TMEM132B: variants seen among roughly 807,000 people sequenced by gnomAD.
The protein encoded by TMEM132B is transmembrane protein 132B.
Under a neutral mutation model 90.8 loss-of-function variants are expected in TMEM132B, and 18 were observed. The observed-to-expected ratio is 0.20, with a 90% CI of 0.14 to 0.29. TMEM132B has a LOEUF of 0.29. TMEM132B is among the 10% of genes least tolerant of loss of function. The pLI, the probability that TMEM132B is intolerant of heterozygous loss-of-function variation, is 1.00. For synonymous variants in TMEM132B, 504 were observed against 523.3 expected (o/e 0.96, Z 0.50); for missense variants, 1,096 against 1,326.8 (o/e 0.83, Z 2.70).
chr12:125,387,260 T>C (rs1878868454), intron 2 of TMEM132B, among the ~76,000 whole-genome samples: 1 of 152,214 alleles, frequency 6.6e-6, no homozygotes, highest in Non-Finnish European at 1.5e-5. Context: ...TCCAAGTCCC[T>C]GTCAATAGCA....
chr12:125,644,026 C>T (rs770146166), intron 5 of TMEM132B, 50 bp from the exon 6 acceptor site: 5 of 1,554,002 alleles, frequency 3.2e-6, no homozygotes, highest in Middle Eastern at 1.7e-4. Context: ...TTGTTTTTTC[C>T]TTGTGCTTTT....
chr12:125,566,369 A>G (rs993584220), intron 4 of TMEM132B, among the ~76,000 whole-genome samples: 2 of 152,204 alleles, frequency 1.3e-5, no homozygotes, highest in Non-Finnish European at 2.9e-5. Context: ...CTCCTCATAG[A>G]TTTGTTATGA....
At chr12:125,270,332 A>G (rs571796545) in intron 1 of TMEM132B, among the ~76,000 whole-genome samples, 2 of 149,374 alleles carry the variant, frequency 1.3e-5, no homozygotes, top group South Asian at 2.1e-4. Flanking sequence ...TCTTGTTAGC[A>G]TATGATCCTT....
At chr12:125,563,282 T>C (rs762784205) in intron 4 of TMEM132B, among the ~76,000 whole-genome samples, 4 of 152,094 alleles carry the variant, frequency 2.6e-5, no homozygotes, top group African/African-American at 4.8e-5. Context: ...ACTTGCTCGA[T>C]GAAGAGTTGC....
chr12:125,348,178 T>A (rs1470931975), intron 1 of TMEM132B, among the ~76,000 whole-genome samples: 2 of 151,804 alleles, frequency 1.3e-5, no homozygotes, highest in Admixed American at 6.6e-5. Context: ...TATGTAGCTC[T>A]ACCGCATTTT....
rs546367581 is a variant in TMEM132B at position 125,204,969 on chromosome 12, G to A, written c.67+18103G>A. Among the ~76,000 whole-genome samples the A allele has an allele frequency of 9.6e-4, 107 of 110,998 alleles. 2 individuals carry two copies. Among genetic ancestry groups the A allele is most frequent in the Admixed American group, 1.6e-3 (17 of 10,952 alleles). 72.8% of individuals were successfully genotyped at this position (110,998 alleles called of 152,430 possible). ...CATGAATCCTTTCAATGAGGGCTCC[G>A]TGTACCAGGCACTGTGCTTAGCTCT... On this transcript the variant is annotated intron_variant, in intron 1 of 8. Transcript: ENST00000682704.
chr12:125,557,983 A>T (rs909555581), intron 4 of TMEM132B, among the ~76,000 whole-genome samples: 3 of 152,146 alleles, frequency 2.0e-5, no homozygotes, highest in Non-Finnish European at 4.4e-5. Flanking sequence ...TATGGGGCAG[A>T]TGTATTCTGT....
intron 3 of TMEM132B, among the ~76,000 whole-genome samples, chr12:125,431,694 G>A (rs1360197492): frequency 6.6e-6 from 1 of 152,228 alleles, no homozygotes; most frequent in African/African-American, 2.4e-5. Flanking sequence ...GCTAGACATG[G>A]TGGCAGCCAG....
intron 3 of TMEM132B, among the ~76,000 whole-genome samples, chr12:125,511,657 C>T (rs1216642499): frequency 6.6e-6 from 1 of 151,790 alleles, no homozygotes; most frequent in African/African-American, 2.4e-5. Flanking sequence ...TCGAGAGCAT[C>T]CTGGCTAACA....
At position 125,406,834 on chromosome 12, in the gene TMEM132B, G is replaced by C. The variant is rs997335817; in HGVS notation, c.960-8697G>C. ...AGAAGGACTCAAAGAACTCAGAAACGCTGTTGTACTTATAAATATTGTTTA... is the reference window on the plus strand; with the variant it reads ...AGAAGGACTCAAAGAACTCAGAAACCCTGTTGTACTTATAAATATTGTTTA... On this transcript the variant is annotated intron_variant, in intron 2 of 8. Coordinates refer to ENST00000682704, the MANE Select transcript of TMEM132B (RefSeq NM_001366854.1). The surrounding 1 kb of genome is among the most constrained non-coding windows in gnomAD (Gnocchi z 8.3). Among the ~76,000 whole-genome samples the C allele has an allele frequency of 2.0e-5, 3 of 152,168 alleles. No individual in the cohort carries two copies. Among genetic ancestry groups the C allele is most frequent in the African/African-American group, 7.2e-5 (3 of 41,430 alleles).
rs374183876 is a variant in TMEM132B at position 125,439,701 on chromosome 12, T to C, written c.1106+24024T>C. On this transcript the variant is annotated intron_variant, in intron 3 of 8. Coordinates refer to ENST00000682704, the MANE Select transcript of TMEM132B (RefSeq NM_001366854.1). ...TTGCTCTGGCCCAGACTTCCAATTC[T>C]GTGTTGAATAGGAGTGGTGAAAGAG... Among the ~76,000 whole-genome samples, 9 of 152,340 alleles carry C rather than the reference T, an allele frequency of 5.9e-5. No individual in the cohort carries two copies. The East Asian group carries it at 1.7e-3, about 29-fold the overall frequency.
Position 125,654,600 on chromosome 12 carries a change from T to TC in TMEM132B, c.3144dup (p.Ile1049HisfsTer4). On this transcript the variant is annotated frameshift_variant, in exon 9 of 9. Transcript: ENST00000682704. LOFTEE classifies it high-confidence loss of function. The surrounding 1 kb of genome is among the most constrained non-coding windows in gnomAD (Gnocchi z 5.8). ...AGAGGACGGCGGCCCATACACCAAC[T>TC]CCATCCTGTTTGACAGCGATGATAA... is the stretch of plus-strand genomic sequence containing the variant. The TC allele has an allele frequency of 6.2e-7, 1 of 1,614,090 alleles. No individual in the cohort carries two copies. The highest frequency in any genetic ancestry group is 8.5e-7 in the Non-Finnish European group (1 of 1,180,008).
At chr12:125,321,841 A>G (rs1449488059) in intron 1 of TMEM132B, among the ~76,000 whole-genome samples, 1 of 151,950 alleles carries the variant, frequency 6.6e-6, no homozygotes, top group Non-Finnish European at 1.5e-5. Flanking sequence ...CCACTGCTAG[A>G]TATCTACTTT....
rs572901699 is a variant in TMEM132B, at chr12:125,213,254, G to A, written c.67+26388G>A. On this transcript the variant is annotated intron_variant, in intron 1 of 8. Transcript: ENST00000682704. The surrounding 1 kb of genome is among the most constrained non-coding windows in gnomAD (Gnocchi z 4.2). ...ACGTTGTAGCCTGTGTCAGTGCTAT[G>A]CTCCTTTTTATGGTTGAATCATCTT... 6.6e-5 allele frequency among the ~76,000 whole-genome samples: 10 copies of A among 152,308 alleles called. No individual in the cohort carries two copies. Among genetic ancestry groups the A allele is most frequent in the Admixed American group, 5.2e-4 (8 of 15,302 alleles).
intron 1 of TMEM132B, among the ~76,000 whole-genome samples, chr12:125,275,953 A>G (rs759530609): frequency 1.6e-4 from 24 of 152,286 alleles, no homozygotes; most frequent in East Asian, 1.4e-3. Context: ...GGCTTAAGCA[A>G]TCCTCCTGCC....
chr12:125,231,968 A>G (rs1467503898), intron 1 of TMEM132B, among the ~76,000 whole-genome samples: 1 of 152,038 alleles, frequency 6.6e-6, no homozygotes, highest in Non-Finnish European at 1.5e-5. Context: ...AAACCAGTCC[A>G]TGTATGGGTG....
intron 2 of TMEM132B, among the ~76,000 whole-genome samples, chr12:125,384,717 C>T (rs889771675): frequency 7.9e-5 from 12 of 152,156 alleles, no homozygotes; most frequent in Admixed American, 2.0e-4. Context: ...GCAGCATGAT[C>T]TCGGCTCACT....
chr12:125,280,409 C>G (rs1169212786), intron 1 of TMEM132B, among the ~76,000 whole-genome samples: 1 of 152,234 alleles, frequency 6.6e-6, no homozygotes, highest in Non-Finnish European at 1.5e-5. Flanking sequence ...CTTAATTGGT[C>G]TTCGCCTTTT....
intron 5 of TMEM132B, among the ~76,000 whole-genome samples, chr12:125,592,636 C>G (rs1487131886): frequency 1.3e-5 from 2 of 152,162 alleles, no homozygotes; most frequent in Non-Finnish European, 2.9e-5. Flanking sequence ...TGGAAAACAT[C>G]AGCATCTTCC....
Sources: gnomAD v4.1 joint callset for allele counts (sites outside exome capture counted in the v4.1 genomes callset) on GRCh38, gnomAD v4.1.1 for gene constraint, Gnocchi (gnomAD v3.1) non-coding constraint, MANE v1.5 for transcripts, NCBI Gene and HGNC (gene_info 2026-07-23, HGNC 2026-07-21) for gene names.